The following PIEZO2 variants were observed in gnomAD, a reference collection of about 807,000 sequenced individuals.
PIEZO2 encodes piezo-type mechanosensitive ion channel component 2.
A neutral mutation model predicts 337.3 loss-of-function variants in PIEZO2; 172 were observed. That is an observed-to-expected ratio of 0.51 (90% CI 0.45 to 0.58). The LOEUF (loss-of-function observed/expected upper bound fraction) is 0.58. Ranked by LOEUF, PIEZO2 falls within the 20% of genes least tolerant of loss-of-function variation. The pLI, the probability that PIEZO2 is intolerant of heterozygous loss-of-function variation, is 0.00. For missense variants in PIEZO2, 3,028 were observed against 3,391.3 expected (o/e 0.89, Z 2.66); for synonymous variants, 1,251 against 1,228.5 (o/e 1.02, Z -0.38).
rs1305946380 is a variant in PIEZO2 at position 10,877,211 on chromosome 18, G to A, written c.330-5796C>T. On this transcript the variant is annotated intron_variant, in intron 4 of 55. Transcript: ENST00000674853. The surrounding 1 kb of genome is among the most constrained non-coding windows in gnomAD (Gnocchi z 5.3). Reference sequence around the variant, plus strand: ...CACCCTGGATGATATCCATCCCCAAGGCCCTAATCAGCATCCACATGGTGA... The same window carrying A: ...CACCCTGGATGATATCCATCCCCAAAGCCCTAATCAGCATCCACATGGTGA... Among the ~76,000 whole-genome samples, 2 of 152,008 alleles carry A rather than the reference G, an allele frequency of 1.3e-5. No individual in the cohort carries two copies. Among genetic ancestry groups the A allele is most frequent in the Non-Finnish European group, 2.9e-5 (2 of 68,004 alleles).
In PIEZO2 at chr18:10,761,191, A is replaced by G; in HGVS notation, c.3250-80T>C. On this transcript the variant is annotated intron_variant, in intron 23 of 55. Coordinates refer to ENST00000674853, the MANE Select transcript of PIEZO2 (RefSeq NM_001378183.1). ...TTCAAGCAATCCCCACATTCTGCAC[A>G]GCTACAAGGACAATGTTTTATAAAA... 9.0e-6 allele frequency: 11 copies of G among 1,218,448 alleles called. No homozygotes were observed. The South Asian group carries it at 1.5e-4, about 16-fold the overall frequency. 75.5% of individuals were successfully genotyped at this position (1,218,448 alleles called of 1,614,324 possible).
intron 4 of PIEZO2, among the ~76,000 whole-genome samples, chr18:10,898,340 G>GA (rs911499975): frequency 1.3e-5 from 2 of 152,082 alleles, no homozygotes; most frequent in African/African-American, 4.8e-5. Flanking sequence ...AGAATGGCGT[G>GA]AACCCAGGAG....
Position 10,726,263 on chromosome 18 carries a change from G to C in PIEZO2, c.5029+5144C>G, listed in dbSNP as rs28463207. 2 of 803,620 alleles carry C rather than the reference G, an allele frequency of 2.5e-6. No individual in the cohort carries two copies. The highest frequency in any genetic ancestry group is 3.4e-5 in the African/African-American group (2 of 58,668). The allele number at this position is 803,620 out of a possible 1,614,324, so 49.8% of individuals were successfully genotyped here. On this transcript the variant is annotated intron_variant, in intron 36 of 55. Transcript: ENST00000674853. This position sits in a 1 kb window ranked among gnomAD's most constrained non-coding sequence, Gnocchi z 5.9. ...AGAGCTTGTGTGCGAGCCTGTGTTC[G>C]GGAGCATGAGAATGGAAGCGTCGCG...
At chr18:11,086,518 CAAAA>C (rs35240439) in intron 1 of PIEZO2, among the ~76,000 whole-genome samples, 8 of 125,436 alleles carry the variant, frequency 6.4e-5, no homozygotes, top group Non-Finnish European at 6.9e-5. Context: ...GACTCCGTCT[CAAAA>C]AAAAAAAAAG....
At position 11,038,978 on chromosome 18, in the gene PIEZO2, G is replaced by A. The variant is rs1598866484; in HGVS notation, c.160+27149C>T. ...GGATAGGTGTTTGATATATCCTTAC[G>A]CAAAATAACTGGGCAAAAGATATTG... On this transcript the variant is annotated intron_variant, in intron 2 of 55. Coordinates refer to ENST00000674853, the MANE Select transcript of PIEZO2 (RefSeq NM_001378183.1). This position sits in a 1 kb window ranked among gnomAD's most constrained non-coding sequence, Gnocchi z 4.1. 6.6e-6 allele frequency among the ~76,000 whole-genome samples: 1 copy of A among 152,032 alleles called. No homozygotes were observed. Among genetic ancestry groups the A allele is most frequent in the Non-Finnish European group, 1.5e-5 (1 of 68,016 alleles).
In PIEZO2 at chr18:10,837,908, T is replaced by C. The variant is rs2041068143; in HGVS notation, c.917+17445A>G. Among the ~76,000 whole-genome samples the C allele has an allele frequency of 1.3e-5, 2 of 152,076 alleles. No homozygotes were observed. The highest frequency in any genetic ancestry group is 2.4e-5 in the African/African-American group (1 of 41,422). On this transcript the variant is annotated intron_variant, in intron 7 of 55. Coordinates refer to ENST00000674853, the MANE Select transcript of PIEZO2 (RefSeq NM_001378183.1). This position sits in a 1 kb window ranked among gnomAD's most constrained non-coding sequence, Gnocchi z 4.4. ...CTGGGATTACTGGTGCCTGCCACCA[T>C]GCCCGGCTAATTTTTGTATTTTTAG...
intron 2 of PIEZO2, among the ~76,000 whole-genome samples, chr18:11,037,258 T>G (rs943799504): frequency 6.6e-6 from 1 of 152,164 alleles, no homozygotes; most frequent in African/African-American, 2.4e-5. Context: ...CAACACTTAT[T>G]ACAGAGAAAG....
chr18:10,820,496 G>T (rs917583748), intron 7 of PIEZO2, among the ~76,000 whole-genome samples: 1 of 151,722 alleles, frequency 6.6e-6, no homozygotes, highest in South Asian at 2.1e-4. Flanking sequence ...TATTTTTGTA[G>T]CTCCTCAGTT....
At position 10,784,714 on chromosome 18, in the gene PIEZO2, C is replaced by A; in HGVS notation, c.2492+70G>T. 1 of 1,314,272 alleles carries A rather than the reference C, an allele frequency of 7.6e-7. No homozygotes were observed. Among genetic ancestry groups the A allele is most frequent in the Non-Finnish European group, 9.8e-7 (1 of 1,024,592 alleles). The allele number at this position is 1,314,272 out of a possible 1,614,324, so 81.4% of individuals were successfully genotyped here. On this transcript the variant is annotated intron_variant, in intron 17 of 55. Transcript: ENST00000674853. This position sits in a 1 kb window ranked among gnomAD's most constrained non-coding sequence, Gnocchi z 4.5. ...AGATTACTGGCTTCTCGCAAGGTGG[C>A]CAACCTAAGGTAGGGTTGAAGAGCT...
rs745618117 is a variant in PIEZO2 at position 10,882,834 on chromosome 18, C to CTTTTTTTTTTTTTTTTTTTTTTTT, written c.330-11420_330-11419insAAAAAAAAAAAAAAAAAAAAAAAA. On this transcript the variant is annotated intron_variant, in intron 4 of 55. Coordinates refer to ENST00000674853, the MANE Select transcript of PIEZO2 (RefSeq NM_001378183.1). ...CCATTGTGCATATGTACCACATTTT[C>CTTTTTTTTTTTTTTTTTTTTTTTT]TTTTTTTCTTTTTTTTTTTTTTTGA... 7.3e-5 allele frequency among the ~76,000 whole-genome samples: 8 copies of CTTTTTTTTTTTTTTTTTTTTTTTT among 109,984 alleles called. 1 individual carries two copies. Among genetic ancestry groups the CTTTTTTTTTTTTTTTTTTTTTTTT allele is most frequent in the Non-Finnish European group, 7.3e-5 (4 of 54,602 alleles). 72.2% of individuals were successfully genotyped at this position (109,984 alleles called of 152,430 possible). A position where few individuals can be genotyped will look rare whatever the true frequency, so the allele number is the denominator to read the frequency against.
intron 4 of PIEZO2, among the ~76,000 whole-genome samples, chr18:10,898,245 C>T (rs933230468): frequency 6.6e-6 from 1 of 151,960 alleles, no homozygotes; most frequent in Non-Finnish European, 1.5e-5. Context: ...CATGATGAAA[C>T]CCCGTCTCTA....
intron 2 of PIEZO2, among the ~76,000 whole-genome samples, chr18:11,064,894 G>C (rs1014596683): frequency 3.9e-5 from 6 of 152,112 alleles, no homozygotes; most frequent in Admixed American, 1.3e-4. Flanking sequence ...CTATAATCTT[G>C]TTTCTCAGGC....
Position 10,903,654 on chromosome 18 carries a change from C to A in PIEZO2, c.329+7532G>T, listed in dbSNP as rs1359321998. On this transcript the variant is annotated intron_variant, in intron 4 of 55. Transcript: ENST00000674853. This position sits in a 1 kb window ranked among gnomAD's most constrained non-coding sequence, Gnocchi z 4.1. Reference sequence around the variant, plus strand: ...CACCACTGCACTCCAGCCTGGGCGACAGAGCAAGACTCCATCTCAAAAAAA... The same window carrying A: ...CACCACTGCACTCCAGCCTGGGCGAAAGAGCAAGACTCCATCTCAAAAAAA... 2.0e-5 allele frequency among the ~76,000 whole-genome samples: 3 copies of A among 151,856 alleles called. No homozygotes were observed. The highest frequency in any genetic ancestry group is 4.4e-5 in the Non-Finnish European group (3 of 67,982).
At chr18:11,086,795 A>G (rs1434937824) in intron 1 of PIEZO2, among the ~76,000 whole-genome samples, 1 of 152,032 alleles carries the variant, frequency 6.6e-6, no homozygotes, top group East Asian at 1.9e-4. Context: ...TAAAAATGTC[A>G]TATTTAAAGG....
intron 7 of PIEZO2, among the ~76,000 whole-genome samples, chr18:10,809,099 C>T (rs966427656): frequency 6.6e-6 from 1 of 152,140 alleles, no homozygotes; most frequent in African/African-American, 2.4e-5. Context: ...CACATTCCTA[C>T]ACTAACACTG....
chr18:11,047,626 A>G lies in PIEZO2; in HGVS notation c.160+18501T>C, dbSNP rs760410738. On this transcript the variant is annotated intron_variant, in intron 2 of 55. Coordinates refer to ENST00000674853, the MANE Select transcript of PIEZO2 (RefSeq NM_001378183.1). This position sits in a 1 kb window ranked among gnomAD's most constrained non-coding sequence, Gnocchi z 7.2. The stretch of plus-strand genomic sequence containing the variant: ...GCTTTCAGACACCAACACTCCAGGC[A>G]ATAGGGAGAATCGAAGTCTTGGTCC... Among the ~76,000 whole-genome samples the G allele has an allele frequency of 6.6e-6, 1 of 152,164 alleles. No homozygotes were observed. The highest frequency in any genetic ancestry group is 1.5e-5 in the Non-Finnish European group (1 of 68,026).
Position 10,957,568 on chromosome 18 carries a change from G to T in PIEZO2, c.286+21967C>A, listed in dbSNP as rs191603957. ...AAAATCTGAAATTGTAAAGCTACTA[G>T]AAGAAAAAATAAGGAAAAAGCTCCA... On this transcript the variant is annotated intron_variant, in intron 3 of 55. Transcript: ENST00000674853. Among the ~76,000 whole-genome samples the T allele has an allele frequency of 2.0e-5, 3 of 152,236 alleles. No individual in the cohort carries two copies. In the East Asian group the frequency reaches 5.8e-4, roughly 29 times the overall value.
At chr18:10,686,656 C>T (rs1033656571) in intron 49 of PIEZO2, among the ~76,000 whole-genome samples, 1 of 152,114 alleles carries the variant, frequency 6.6e-6, no homozygotes, top group African/African-American at 2.4e-5. Context: ...AGACAACAAG[C>T]CCCAATGTGG....
chr18:10,970,660 TCACACACACA>T (rs71169962), intron 3 of PIEZO2, among the ~76,000 whole-genome samples: 106 of 137,528 alleles, frequency 7.7e-4, no homozygotes, highest in Middle Eastern at 4.0e-3. Flanking sequence ...AAAAGATGTT[TCACACACACA>T]CACACACACA....
Sources: allele counts gnomAD v4.1 joint callset (sites outside exome capture counted in the v4.1 genomes callset), GRCh38; gene constraint gnomAD v4.1.1; non-coding constraint Gnocchi (gnomAD v3.1); transcripts MANE v1.5; gene names NCBI Gene and HGNC (gene_info 2026-07-23, HGNC 2026-07-21).